STXBP5: variants seen among roughly 807,000 people sequenced by gnomAD.
STXBP5 encodes syntaxin binding protein 5.
Under a neutral mutation model 152.4 loss-of-function variants are expected in STXBP5, and 50 were observed. The observed-to-expected ratio is 0.33, with a 90% confidence interval of 0.26 to 0.42. The LOEUF is 0.42. Ranked by LOEUF, STXBP5 falls within the 10% of genes least tolerant of loss-of-function variation. The pLI is 1.00. For synonymous variants in STXBP5, 492 were observed against 494.7 expected (o/e 0.99, Z 0.07); for missense variants, 1,167 against 1,388.6 (o/e 0.84, Z 2.54).
intron 25 of STXBP5, among the ~76,000 whole-genome samples, chr6:147,364,454 T>C (rs1785203020): frequency 6.6e-6 from 1 of 152,212 alleles, no homozygotes. Context: ...ACTCTCTACA[T>C]AGAATAAATA....
At chr6:147,235,437 A>G in intron 3 of STXBP5, 106 bp downstream of exon 3, 1 of 842,532 alleles carries the variant, frequency 1.2e-6, no homozygotes, top group Non-Finnish European at 1.9e-6. Flanking sequence ...ATTTGAACAA[A>G]AATTAATTTA....
At chr6:147,285,999 C>A (rs1780942394) in intron 8 of STXBP5, among the ~76,000 whole-genome samples, 1 of 152,170 alleles carries the variant, frequency 6.6e-6, no homozygotes, top group Non-Finnish European at 1.5e-5. Flanking sequence ...GCCAGCTGAC[C>A]TTCTTCAGAG....
At chr6:147,357,775 G>C (rs975935001) in intron 22 of STXBP5, among the ~76,000 whole-genome samples, 1 of 152,132 alleles carries the variant, frequency 6.6e-6, no homozygotes, top group African/African-American at 2.4e-5. Context: ...CTCATCTTAA[G>C]TGTTTCTCCC....
chr6:147,230,181 G>A (rs1415169444), intron 2 of STXBP5, among the ~76,000 whole-genome samples: 2 of 151,776 alleles, frequency 1.3e-5, no homozygotes, highest in South Asian at 4.1e-4. Context: ...AAAGATGATT[G>A]TTTATTTATT....
intron 9 of STXBP5, among the ~76,000 whole-genome samples, chr6:147,293,954 C>T (rs972379390): frequency 6.6e-6 from 1 of 152,122 alleles, no homozygotes; most frequent in African/African-American, 2.4e-5. Context: ...CTTAGTTTAA[C>T]TCTGAGGCAA....
Position 147,310,252 on chromosome 6 carries a change from C to T in STXBP5, c.1072+14C>T. 1 of 1,510,710 alleles carries T rather than the reference C, an allele frequency of 6.6e-7. No individual in the cohort carries two copies. The highest frequency in any genetic ancestry group is 8.8e-7 in the Non-Finnish European group (1 of 1,134,256). 93.6% of individuals were successfully genotyped at this position (1,510,710 alleles called of 1,614,324 possible). On this transcript the variant is annotated intron_variant, in intron 10 of 27. Transcript: ENST00000321680. ...CATACCCAAATGGTAAGCTTTGCAA[C>T]TTTAAAGCTCATTCTCTATAGAGAG...
intron 5 of STXBP5, among the ~76,000 whole-genome samples, chr6:147,261,440 T>C (rs1779633439): frequency 6.6e-6 from 1 of 152,034 alleles, no homozygotes; most frequent in South Asian, 2.1e-4. Flanking sequence ...TTTAAGGATA[T>C]CAGCAAGACC....
chr6:147,381,709 G>A (rs909799655), intron 26 of STXBP5, among the ~76,000 whole-genome samples: 1 of 152,108 alleles, frequency 6.6e-6, no homozygotes, highest in African/African-American at 2.4e-5. Flanking sequence ...CATAATAAGG[G>A]ATGAAGTACT....
chr6:147,266,004 A>T (rs1779875780), intron 6 of STXBP5, among the ~76,000 whole-genome samples: 1 of 152,122 alleles, frequency 6.6e-6, no homozygotes, highest in South Asian at 2.1e-4. Context: ...GGAAACGATC[A>T]CTAAAATGAC....
chr6:147,236,626 T>C (rs1294684272), intron 3 of STXBP5, among the ~76,000 whole-genome samples: 2 of 152,128 alleles, frequency 1.3e-5, no homozygotes, highest in Non-Finnish European at 2.9e-5. Flanking sequence ...TTATCACATG[T>C]ACAGATGCAT....
chr6:147,204,589 G>T lies in STXBP5; in HGVS notation c.57G>T (p.Ser19=), dbSNP rs1186383898. The T allele has an allele frequency of 6.2e-7, 1 of 1,608,416 alleles. No individual in the cohort carries two copies. The highest frequency in any genetic ancestry group is 1.7e-5 in the Admixed American group (1 of 59,650). The change falls in exon 1 of 28, where the codon TCG becomes TCT. Residue 19 remains serine, a synonymous_variant. Transcript: ENST00000321680. The surrounding 1 kb of genome is among the most constrained non-coding windows in gnomAD (Gnocchi z 4.3). ...VLDGLTAGSS[S]ASQQQQQQHP... is the part of the protein sequence containing the mutation. ...ACGGCCTGACCGCCGGCTCGTCCTC[G>T]GCGTCGCAGCAGCAACAGCAGCAGC...
intron 4 of STXBP5, among the ~76,000 whole-genome samples, chr6:147,244,250 C>T (rs766879407): frequency 1.3e-5 from 2 of 152,162 alleles, no homozygotes; most frequent in African/African-American, 4.8e-5. Flanking sequence ...AGAGGGGTTT[C>T]TGTAACCAAT....
At chr6:147,320,552 A>AGT (rs71552971) in intron 16 of STXBP5, among the ~76,000 whole-genome samples, 8,170 of 84,904 alleles carry the variant, frequency 0.096, 274 homozygotes, top group South Asian at 0.14. Flanking sequence ...TGCTAATTTG[A>AGT]GTGTGTGTGT....
rs1783723156 is a variant in STXBP5, at chr6:147,334,275, A to T, written c.2146+53A>T. The T allele has an allele frequency of 6.6e-6, 10 of 1,516,830 alleles. No homozygotes were observed. In the Admixed American group the frequency reaches 1.8e-4, roughly 27 times the overall value. The allele number at this position is 1,516,830 out of a possible 1,614,324, so 94.0% of individuals were successfully genotyped here. On this transcript the variant is annotated intron_variant, in intron 19 of 27. Coordinates refer to ENST00000321680, the MANE Select transcript of STXBP5 (RefSeq NM_001127715.4). ...ATAATTATGATTTACAAAATCCAAG[A>T]TAGCATACTAGTGTACATTTTGATA...
chr6:147,294,426 T>C (rs1308401204), intron 9 of STXBP5, among the ~76,000 whole-genome samples: 2 of 152,098 alleles, frequency 1.3e-5, no homozygotes, highest in South Asian at 2.1e-4. Context: ...TGTAACGTGC[T>C]CTTTATACCA....
chr6:147,298,671 CAA>C (rs1159246462), intron 9 of STXBP5, among the ~76,000 whole-genome samples: 2 of 152,006 alleles, frequency 1.3e-5, no homozygotes, highest in Admixed American at 6.6e-5. Context: ...AAATGATTAA[CAA>C]GAGAAACTTT....
chr6:147,266,007 A>G lies in STXBP5; in HGVS notation c.631-1077A>G, dbSNP rs139674719. ...AGGCTTCCCAGAGGAAACGATCACT[A>G]AAATGACATCTGAAAGATGAGAAGG... On this transcript the variant is annotated intron_variant, in intron 6 of 27. Coordinates refer to ENST00000321680, the MANE Select transcript of STXBP5 (RefSeq NM_001127715.4). Among the ~76,000 whole-genome samples the G allele has an allele frequency of 1.1e-4, 16 of 152,242 alleles. No homozygotes were observed. In the East Asian group the frequency reaches 3.1e-3, roughly 29 times the overall value.
intron 26 of STXBP5, among the ~76,000 whole-genome samples, chr6:147,377,759 G>A (rs1460058015): frequency 2.0e-5 from 3 of 152,076 alleles, no homozygotes; most frequent in Non-Finnish European, 4.4e-5. Flanking sequence ...CATTAGGGAA[G>A]GATTAGATTT....
At chr6:147,241,394 CAT>C (rs768250643) in intron 4 of STXBP5, among the ~76,000 whole-genome samples, 11 of 152,272 alleles carry the variant, frequency 7.2e-5, no homozygotes, top group African/African-American at 2.2e-4. Context: ...ATTACAGTAT[CAT>C]GTGGAATAGT....
Sources: allele counts gnomAD v4.1 joint callset (sites outside exome capture counted in the v4.1 genomes callset), GRCh38; gene constraint gnomAD v4.1.1; non-coding constraint Gnocchi (gnomAD v3.1); transcripts MANE v1.5; gene names NCBI Gene and HGNC (gene_info 2026-07-23, HGNC 2026-07-21).